The following ADGRB3 variants were observed in gnomAD, a reference collection of about 807,000 sequenced individuals.
The protein encoded by ADGRB3 is brain-specific angiogenesis inhibitor 3.
In ADGRB3, 37 loss-of-function variants were observed where a neutral mutation model predicts 193.4. The observed-to-expected ratio is 0.19, with a 90% confidence interval of 0.15 to 0.25. ADGRB3 has a LOEUF of 0.25. Ranked by LOEUF, ADGRB3 falls within the 10% of genes least tolerant of loss-of-function variation. The pLI is 1.00. For synonymous variants in ADGRB3, 690 were observed against 644.2 expected, an observed-to-expected ratio of 1.07 and a Z score of -1.08; for missense variants, 1,637 against 1,852.9, an observed-to-expected ratio of 0.88 and a Z score of 2.14.
At chr6:68,767,751 GTC>G (rs1314955449) in intron 3 of ADGRB3, among the ~76,000 whole-genome samples, 1 of 152,074 alleles carries the variant, frequency 6.6e-6, no homozygotes. Flanking sequence ...AAGTCAAATT[GTC>G]TCTGTTTGCA....
chr6:68,674,671 C>T (rs1169809730), intron 3 of ADGRB3, among the ~76,000 whole-genome samples: 2 of 152,094 alleles, frequency 1.3e-5, no homozygotes, highest in African/African-American at 4.8e-5. Context: ...TGTATTTCAA[C>T]ATGTTTAGAT....
At chr6:68,800,563 T>A (rs9446058) in intron 3 of ADGRB3, among the ~76,000 whole-genome samples, 1 of 151,858 alleles carries the variant, frequency 6.6e-6, no homozygotes, top group Non-Finnish European at 1.5e-5. Context: ...GACAAGGAGG[T>A]CACTAGCAAA....
At chr6:69,037,035 G>C (rs1770891357) in intron 13 of ADGRB3, among the ~76,000 whole-genome samples, 1 of 152,136 alleles carries the variant, frequency 6.6e-6, no homozygotes, top group East Asian at 1.9e-4. Flanking sequence ...GCTTTTGGCA[G>C]GTTATGGTAT....
intron 26 of ADGRB3, among the ~76,000 whole-genome samples, chr6:69,341,577 C>T (rs1043104556): frequency 8.5e-5 from 13 of 152,180 alleles, no homozygotes; most frequent in African/African-American, 3.1e-4. Context: ...CCTTACTATT[C>T]CCTTAGCAAG....
At chr6:69,040,046 A>G (rs1453348775) in intron 13 of ADGRB3, among the ~76,000 whole-genome samples, 3 of 151,982 alleles carry the variant, frequency 2.0e-5, no homozygotes, top group African/African-American at 7.2e-5. Flanking sequence ...GGCCCTACAT[A>G]ATCGTTTTGA....
At chr6:69,300,333 A>T (rs13191298) in intron 20 of ADGRB3, among the ~76,000 whole-genome samples, 1 of 151,668 alleles carries the variant, frequency 6.6e-6, no homozygotes, top group South Asian at 2.1e-4. Context: ...AATAAAGGCC[A>T]TGTATGAAAA....
intron 17 of ADGRB3, among the ~76,000 whole-genome samples, chr6:69,078,050 G>A (rs1002168771): frequency 1.3e-5 from 2 of 151,854 alleles, no homozygotes; most frequent in Non-Finnish European, 2.9e-5. Flanking sequence ...TTTTATTGAT[G>A]TAATCATATT....
At chr6:68,892,856 T>G (rs961095114) in intron 3 of ADGRB3, among the ~76,000 whole-genome samples, 3 of 152,160 alleles carry the variant, frequency 2.0e-5, no homozygotes, top group African/African-American at 7.2e-5. Context: ...AGTTGAAAGA[T>G]GCAATTTGGA....
chr6:68,951,401 G>A (rs771503225), intron 6 of ADGRB3, among the ~76,000 whole-genome samples: 5 of 151,980 alleles, frequency 3.3e-5, no homozygotes, highest in African/African-American at 4.8e-5. Context: ...TCTTTATCAC[G>A]TTGTCTTCAT....
chr6:68,846,886 G>A (rs1768287182), intron 3 of ADGRB3, among the ~76,000 whole-genome samples: 1 of 152,152 alleles, frequency 6.6e-6, no homozygotes, highest in Non-Finnish European at 1.5e-5. Context: ...CAGAATGGTA[G>A]ATCCGCTTGC....
intron 6 of ADGRB3, among the ~76,000 whole-genome samples, chr6:68,951,476 C>T (rs563696247): frequency 6.6e-6 from 1 of 152,224 alleles, no homozygotes; most frequent in East Asian, 1.9e-4. Flanking sequence ...CCACTACAGC[C>T]CCCAGACTAC....
At chr6:68,787,999 T>G (rs1160686820) in intron 3 of ADGRB3, among the ~76,000 whole-genome samples, 2 of 152,196 alleles carry the variant, frequency 1.3e-5, no homozygotes, top group African/African-American at 2.4e-5. Flanking sequence ...TTGGTGGTGA[T>G]ATCCCCTTTA....
intron 11 of ADGRB3, among the ~76,000 whole-genome samples, chr6:69,008,024 C>G (rs1769816833): frequency 6.6e-6 from 1 of 152,038 alleles, no homozygotes; most frequent in Non-Finnish European, 1.5e-5. Context: ...GTTAGCCAAA[C>G]ACCGCAGGAA....
intron 17 of ADGRB3, among the ~76,000 whole-genome samples, chr6:69,198,111 T>G (rs973458336): frequency 3.9e-5 from 6 of 152,112 alleles, no homozygotes; most frequent in African/African-American, 1.4e-4. Context: ...CTGTAGGTAT[T>G]TGGCTTATTA....
intron 17 of ADGRB3, among the ~76,000 whole-genome samples, chr6:69,179,146 TG>T (rs1158554546): frequency 1.3e-5 from 2 of 152,212 alleles, no homozygotes; most frequent in African/African-American, 2.4e-5. Flanking sequence ...ATTTTTTAAA[TG>T]TTTTTTTAAA....
intron 3 of ADGRB3, among the ~76,000 whole-genome samples, chr6:68,764,597 A>T (rs1766472877): frequency 6.6e-6 from 1 of 152,210 alleles, no homozygotes; most frequent in Non-Finnish European, 1.5e-5. Flanking sequence ...AGAAAATATA[A>T]TAATGCACCA....
intron 17 of ADGRB3, among the ~76,000 whole-genome samples, chr6:69,097,035 TTAAAG>T (rs1772899886): frequency 6.6e-6 from 1 of 152,218 alleles, no homozygotes; most frequent in Non-Finnish European, 1.5e-5. Flanking sequence ...TCCTCTAACA[TTAAAG>T]TAAAAGAGGA....
intron 3 of ADGRB3, among the ~76,000 whole-genome samples, chr6:68,870,325 T>C (rs1765422264): frequency 6.6e-6 from 1 of 152,214 alleles, no homozygotes; most frequent in Non-Finnish European, 1.5e-5. Context: ...TAAATCACAG[T>C]TGTACTTGGA....
intron 3 of ADGRB3, among the ~76,000 whole-genome samples, chr6:68,787,230 C>T (rs1582201504): frequency 6.6e-6 from 1 of 152,192 alleles, no homozygotes; most frequent in African/African-American, 2.4e-5. Flanking sequence ...CTGTCTTGTG[C>T]CAGTTTTCAA....
Sources: gnomAD v4.1 joint callset for allele counts (sites outside exome capture counted in the v4.1 genomes callset) on GRCh38, gnomAD v4.1.1 for gene constraint, MANE v1.5 for transcripts, NCBI Gene and HGNC (gene_info 2026-07-23, HGNC 2026-07-21) for gene names.